Variants in ARMC8 observed in about 807,000 individuals in gnomAD.
ARMC8 encodes the protein armadillo repeat-containing protein 8.
ARMC8 carries 20 observed loss-of-function variants against 99.3 expected under a neutral mutation model. That is an observed-to-expected ratio of 0.20 (90% confidence interval 0.14 to 0.29). The LOEUF (loss-of-function observed/expected upper bound fraction) is 0.29. Among genes scored for constraint, ARMC8 ranks in the 10% least tolerant of loss-of-function variants. ARMC8 has a pLI of 1.00. For synonymous variants in ARMC8, 263 were observed against 278.3 expected (o/e 0.95, Z 0.55); for missense variants, 569 against 809.5 (o/e 0.70, Z 3.60).
chr3:138,225,330 G>C (rs528913822), intron 5 of ARMC8, among the ~76,000 whole-genome samples: 58 of 152,060 alleles, frequency 3.8e-4, no homozygotes, highest in African/African-American at 1.2e-3. Context: ...AGGATGGTCT[G>C]GATCTCCTGA....
chr3:138,255,333 G>T (rs1313971421), intron 12 of ARMC8, among the ~76,000 whole-genome samples: 1 of 151,418 alleles, frequency 6.6e-6, no homozygotes. Flanking sequence ...CTCCCAAGTA[G>T]CTGGGACTAC....
At chr3:138,263,384 C>G in intron 12 of ARMC8, 1 of 226,760 alleles carries the variant, frequency 4.4e-6, no homozygotes, top group Non-Finnish European at 8.8e-6. Flanking sequence ...GAACCTCACT[C>G]TGGAAGGAAC....
At chr3:138,242,465 T>C (rs1307368400) in intron 11 of ARMC8, among the ~76,000 whole-genome samples, 1 of 152,230 alleles carries the variant, frequency 6.6e-6, no homozygotes, top group Non-Finnish European at 1.5e-5. Flanking sequence ...TAGTGACAGC[T>C]AAAGCATCAT....
chr3:138,229,177 T>C (rs1216206201), intron 6 of ARMC8, 167 bp downstream of exon 6: 10 of 35,854 alleles, frequency 2.8e-4, no homozygotes, highest in African/African-American at 7.9e-4. Flanking sequence ...TATATATATA[T>C]ATATATGTAT....
intron 19 of ARMC8, chr3:138,287,545 T>C (rs2108372879): frequency 2.3e-6 from 1 of 428,056 alleles, no homozygotes; most frequent in South Asian, 1.7e-5. Context: ...ATATTTGTTA[T>C]AGTATATACA....
At position 138,196,863 on chromosome 3, in the gene ARMC8, G is replaced by A. The variant is rs777195355; in HGVS notation, c.45+9264G>A. Among the ~76,000 whole-genome samples, 33 of 152,068 alleles carry A rather than the reference G, an allele frequency of 2.2e-4. 1 individual carries two copies. Among genetic ancestry groups the A allele is most frequent in the Admixed American group, 2.6e-4 (4 of 15,264 alleles). ...GCTTGGGCAACAAGAGTGAAACTCC[G>A]TCTCAAAAAAAATTTTTTTTTAAGT... On this transcript the variant is annotated intron_variant, in intron 1 of 21. Coordinates refer to ENST00000469044, the MANE Select transcript of ARMC8 (RefSeq NM_001363941.2).
intron 12 of ARMC8, chr3:138,245,822 A>G: frequency 2.0e-6 from 2 of 985,936 alleles, no homozygotes; most frequent in Non-Finnish European, 2.4e-6. Flanking sequence ...GATGAGGAGT[A>G]TAGTGGTAAG....
At chr3:138,232,404 C>T (rs564309438) in intron 6 of ARMC8, among the ~76,000 whole-genome samples, 102 of 152,298 alleles carry the variant, frequency 6.7e-4, no homozygotes, top group African/African-American at 2.4e-3. Flanking sequence ...ATCTTGTCAG[C>T]ACCAGGGAAC....
At position 138,223,678 on chromosome 3, in the gene ARMC8, G is replaced by T. The variant is rs1446398860; in HGVS notation, c.380G>T (p.Arg127Leu). 6.2e-7 allele frequency: 1 copy of T among 1,614,042 alleles called. No homozygotes were observed. Among genetic ancestry groups the T allele is most frequent in the Non-Finnish European group, 8.5e-7 (1 of 1,180,038 alleles). ...CTGAAGTTTATTGAAGCTTGCCTCC[G>T]ATGCCTGCGTACCATCTTCACCAGT... The part of the protein sequence containing the change: ...PDLKFIEACL[R>L]CLRTIFTSPV... The change falls in exon 5 of 22, where the codon CGA (arginine) becomes CTA (leucine). Residue 127 changes from arginine (R) to leucine (L), a missense_variant. Physicochemically the swap from Arg to Leu is moderately radical, Grantham distance 102 (BLOSUM62 -2). This residue lies in a region of ARMC8 where 342 missense variants were observed against 391.6 expected (regional missense o/e 0.87). Transcript: ENST00000469044.
chr3:138,200,377 A>G (rs759540226), intron 1 of ARMC8, among the ~76,000 whole-genome samples: 6 of 152,218 alleles, frequency 3.9e-5, no homozygotes, highest in Non-Finnish European at 5.9e-5. Context: ...CTACCAGGAC[A>G]AAATACCACC....
At chr3:138,225,196 C>G (rs1032066941) in intron 5 of ARMC8, among the ~76,000 whole-genome samples, 1 of 150,158 alleles carries the variant, frequency 6.7e-6, no homozygotes, top group Admixed American at 6.7e-5. Context: ...ACCTCCGCCT[C>G]CTGAGTTCAA....
intron 1 of ARMC8, among the ~76,000 whole-genome samples, 196 bp from the exon 2 acceptor site, chr3:138,209,621 T>A (rs2044583072): frequency 6.6e-6 from 1 of 152,204 alleles, no homozygotes; most frequent in African/African-American, 2.4e-5. Context: ...CAGTTTCCCA[T>A]TATTTTGATA....
chr3:138,267,983 G>C (rs145550266), intron 15 of ARMC8, among the ~76,000 whole-genome samples: 2 of 152,058 alleles, frequency 1.3e-5, no homozygotes, highest in African/African-American at 2.4e-5. Context: ...TGGTTCATGC[G>C]TGTAAACCCA....
chr3:138,295,088 A>G (rs951527866), intron 21 of ARMC8, among the ~76,000 whole-genome samples: 1 of 151,936 alleles, frequency 6.6e-6, no homozygotes, highest in Non-Finnish European at 1.5e-5. Flanking sequence ...TGGTAGAAAC[A>G]GGGTTTCACC....
intron 1 of ARMC8, among the ~76,000 whole-genome samples, chr3:138,205,277 C>G (rs569688708): frequency 1.3e-5 from 2 of 151,466 alleles, no homozygotes; most frequent in Non-Finnish European, 2.9e-5. Context: ...TCTCGATCTC[C>G]TGACCTCGTG....
rs140462689 is a variant in ARMC8, at chr3:138,206,046, A to G, written c.46-3771A>G. Among the ~76,000 whole-genome samples the G allele has an allele frequency of 2.0e-4, 31 of 152,370 alleles. No individual in the cohort carries two copies. The East Asian group carries it at 3.1e-3, about 15-fold the overall frequency. The stretch of plus-strand genomic sequence containing the variant: ...ACAAGTAAAGCAAAATATTATTTCA[A>G]TATATCTGTGTAATAAGTTATTACT... On this transcript the variant is annotated intron_variant, in intron 1 of 21. Transcript: ENST00000469044.
intron 11 of ARMC8, among the ~76,000 whole-genome samples, chr3:138,244,548 G>A (rs1221050519): frequency 6.6e-6 from 1 of 152,258 alleles, no homozygotes; most frequent in East Asian, 1.9e-4. Flanking sequence ...AAAGTGCTGG[G>A]ATTACAGGCG....
Position 138,187,608 on chromosome 3 carries a change from C to A in ARMC8, c.45+9C>A. On this transcript the variant is annotated intron_variant, in intron 1 of 21. Transcript: ENST00000469044. ...GCATGAGCGTCCTTTCGGTGAGTGA[C>A]CCGCCGCGGCCGCCCGCCCGCCCTC... 1 of 1,535,522 alleles carries A rather than the reference C, an allele frequency of 6.5e-7. No individual in the cohort carries two copies. The highest frequency in any genetic ancestry group is 8.7e-7 in the Non-Finnish European group (1 of 1,146,470).
Position 138,187,472 on chromosome 3 carries a change from T to C in ARMC8, c.-83T>C, listed in dbSNP as rs905170876. On this transcript the variant is annotated 5_prime_UTR_variant, in exon 1 of 22. Transcript: ENST00000469044. ...CTATCTGGCTGCCTTTAGGGAGCGG[T>C]GCCTAGCGTTGGCCAATAGTTGGCT... 1.4e-6 allele frequency: 2 copies of C among 1,422,500 alleles called. No individual in the cohort carries two copies. Among genetic ancestry groups the C allele is most frequent in the Non-Finnish European group, 1.9e-6 (2 of 1,044,994 alleles). 88.1% of individuals were successfully genotyped at this position (1,422,500 alleles called of 1,614,324 possible). A position where few individuals can be genotyped will look rare whatever the true frequency, so the allele number is the denominator to read the frequency against.
Sources: gnomAD v4.1 joint callset for allele counts (sites outside exome capture counted in the v4.1 genomes callset) on GRCh38, gnomAD v4.1.1 for gene constraint, gnomAD v4.1.1 regional missense constraint, MANE v1.5 for transcripts, NCBI Gene and HGNC (gene_info 2026-07-23, HGNC 2026-07-21) for gene names.